PHACTR4: variants seen among roughly 807,000 people sequenced by gnomAD.
PHACTR4 encodes the protein phosphatase and actin regulator 4.
A neutral mutation model predicts 72.7 loss-of-function variants in PHACTR4; 51 were observed. The ratio of observed to expected loss-of-function variants is 0.70; its 90% confidence interval spans 0.56 to 0.89. The LOEUF (loss-of-function observed/expected upper bound fraction) is 0.89, where lower values mean the gene tolerates loss of function less well. PHACTR4 is among the 40% of genes least tolerant of loss of function. The pLI, the probability that PHACTR4 is intolerant of heterozygous loss-of-function variation, is 0.00. For synonymous variants in PHACTR4, 255 were observed against 302.5 expected (o/e 0.84, Z 1.63); for missense variants, 731 against 861.8 (o/e 0.85, Z 1.90).
chr1:28,486,325 C>T (rs1001050422), intron 9 of PHACTR4, among the ~76,000 whole-genome samples: 3 of 152,022 alleles, frequency 2.0e-5, no homozygotes, highest in Non-Finnish European at 1.5e-5. Context: ...CACTGCACTC[C>T]AGCTTGGGCA....
intron 1 of PHACTR4, among the ~76,000 whole-genome samples, chr1:28,381,979 G>A (rs931015025): frequency 6.6e-6 from 1 of 151,934 alleles, no homozygotes; most frequent in South Asian, 2.1e-4. Flanking sequence ...TGTTGGCCAG[G>A]CTGGTCTCGA....
intron 9 of PHACTR4, among the ~76,000 whole-genome samples, chr1:28,484,571 G>A (rs2124535414): frequency 6.6e-6 from 1 of 151,010 alleles, no homozygotes; most frequent in East Asian, 1.9e-4. Flanking sequence ...ATATATGTGT[G>A]TATGTAATAT....
intron 9 of PHACTR4, among the ~76,000 whole-genome samples, chr1:28,484,141 G>A (rs1006529719): frequency 5.3e-5 from 8 of 152,042 alleles, no homozygotes; most frequent in Admixed American, 3.3e-4. Flanking sequence ...TGGCCAACAT[G>A]GTGAAACCCC....
At chr1:28,413,005 C>T (rs1268574679) in intron 2 of PHACTR4, among the ~76,000 whole-genome samples, 1 of 152,184 alleles carries the variant, frequency 6.6e-6, no homozygotes, top group African/African-American at 2.4e-5. Context: ...ACAGTCTGAG[C>T]TCCACCTCCT....
chr1:28,436,532 T>G (rs977317007), intron 2 of PHACTR4, among the ~76,000 whole-genome samples: 4 of 152,214 alleles, frequency 2.6e-5, no homozygotes, highest in African/African-American at 9.6e-5. Flanking sequence ...TACCTCACAA[T>G]GCATGGTTAG....
chr1:28,464,044 C>CTTT lies in PHACTR4; in HGVS notation c.272-1625_272-1623dup, dbSNP rs74771369. 6.9e-4 allele frequency among the ~76,000 whole-genome samples: 91 copies of CTTT among 131,336 alleles called. 2 individuals are homozygous for CTTT. The highest frequency in any genetic ancestry group is 2.1e-3 in the African/African-American group (72 of 34,040). The allele number at this position is 131,336 out of a possible 152,430, so 86.2% of individuals were successfully genotyped here. Reference sequence around the variant, plus strand: ...CACTGTGCCCAGCCCATAACCATTTCTTTTTTTTTTTTTTTTTTGAGATGG... The same window carrying CTTT: ...CACTGTGCCCAGCCCATAACCATTTCTTTTTTTTTTTTTTTTTTTTTGAGATGG... On this transcript the variant is annotated intron_variant, in intron 4 of 13. Coordinates refer to ENST00000373839, the MANE Select transcript of PHACTR4 (RefSeq NM_001048183.3).
intron 6 of PHACTR4, among the ~76,000 whole-genome samples, chr1:28,471,559 C>G (rs1043000768): frequency 6.1e-5 from 9 of 147,102 alleles, no homozygotes; most frequent in African/African-American, 2.3e-4. Flanking sequence ...GAAAAAATAA[C>G]TACCCTTTAA....
At chr1:28,488,174 C>T (rs1431369306) in intron 9 of PHACTR4, among the ~76,000 whole-genome samples, 1 of 152,038 alleles carries the variant, frequency 6.6e-6, no homozygotes, top group Non-Finnish European at 1.5e-5. Context: ...ACTTAAATTC[C>T]AGTGGTTCCT....
intron 2 of PHACTR4, among the ~76,000 whole-genome samples, chr1:28,419,412 CATAT>C (rs746876748): frequency 6.6e-6 from 1 of 151,710 alleles, no homozygotes; most frequent in East Asian, 1.9e-4. Context: ...TACACACACA[CATAT>C]AAAGTGTAAA....
At chr1:28,453,448 G>T (rs1557825148) in intron 2 of PHACTR4, 1 of 318,942 alleles carries the variant, frequency 3.1e-6, no homozygotes, top group South Asian at 8.9e-5. Context: ...TGAATCGCCT[G>T]ATGTGATGCA....
At chr1:28,464,964 A>G (rs1487398669) in intron 4 of PHACTR4, among the ~76,000 whole-genome samples, 1 of 151,996 alleles carries the variant, frequency 6.6e-6, no homozygotes, top group Non-Finnish European at 1.5e-5. Flanking sequence ...TCAGCCTCCC[A>G]AAGTGCTGAG....
At position 28,491,711 on chromosome 1, in the gene PHACTR4, A is replaced by T; in HGVS notation, c.1940A>T (p.Tyr647Phe). 6.2e-7 allele frequency: 1 copy of T among 1,614,182 alleles called. No homozygotes were observed. The highest frequency in any genetic ancestry group is 8.5e-7 in the Non-Finnish European group (1 of 1,180,014). ...AGGAAGATTCTGAGGTTTAATGAAT[A>T]TGTAGAGGTAACAGATGCTCAAGAT... ...LARKILRFNE[Y>F]VEVTDAQDYD... Residue 647 changes from tyrosine to phenylalanine, a missense_variant, in exon 12 of 14, where the codon TAT becomes TTT. By Grantham distance (22) the Tyr-to-Phe change is conservative (BLOSUM62 3). Coordinates refer to ENST00000373839, the MANE Select transcript of PHACTR4 (RefSeq NM_001048183.3).
At chr1:28,383,529 G>A (rs564175332) in intron 1 of PHACTR4, among the ~76,000 whole-genome samples, 37 of 152,164 alleles carry the variant, frequency 2.4e-4, no homozygotes, top group African/African-American at 8.4e-4. Flanking sequence ...ATTTCTTTGA[G>A]CAGTGTTTTG....
chr1:28,477,662 T>C (rs768249290), intron 8 of PHACTR4, among the ~76,000 whole-genome samples: 3 of 152,110 alleles, frequency 2.0e-5, no homozygotes, highest in Non-Finnish European at 2.9e-5. Context: ...TTGTTAACTA[T>C]AGTCACCCTA....
chr1:28,461,477 G>C (rs1658803755), intron 4 of PHACTR4, among the ~76,000 whole-genome samples: 1 of 152,028 alleles, frequency 6.6e-6, no homozygotes, highest in Non-Finnish European at 1.5e-5. Context: ...TGAAGAATAG[G>C]GGAAAGGAAC....
At chr1:28,416,251 A>G (rs1305420013) in intron 2 of PHACTR4, among the ~76,000 whole-genome samples, 2 of 152,160 alleles carry the variant, frequency 1.3e-5, no homozygotes, top group South Asian at 2.1e-4. Flanking sequence ...GAAATTTAAT[A>G]TAGCATTATT....
chr1:28,441,332 G>A (rs1225619845), intron 2 of PHACTR4, among the ~76,000 whole-genome samples: 1 of 151,610 alleles, frequency 6.6e-6, no homozygotes, highest in East Asian at 1.9e-4. Flanking sequence ...TCCCACCTCG[G>A]GCTCCCAAAG....
chr1:28,472,755 C>G (rs1038678026), intron 6 of PHACTR4, among the ~76,000 whole-genome samples: 15 of 151,374 alleles, frequency 9.9e-5, no homozygotes, highest in Admixed American at 6.6e-4. Context: ...AGGTGCCCAC[C>G]ACCACACCTA....
At chr1:28,400,939 G>C (rs956810632) in intron 1 of PHACTR4, among the ~76,000 whole-genome samples, 2 of 152,124 alleles carry the variant, frequency 1.3e-5, no homozygotes, top group Non-Finnish European at 2.9e-5. Context: ...GTGCAGGAGG[G>C]GATAGGCCTT....
Sources: allele counts gnomAD v4.1 joint callset (sites outside exome capture counted in the v4.1 genomes callset), GRCh38; gene constraint gnomAD v4.1.1; transcripts MANE v1.5; gene names NCBI Gene and HGNC (gene_info 2026-07-23, HGNC 2026-07-21).